The following WWOX variants were observed in gnomAD, a reference collection of about 807,000 sequenced individuals.
WWOX encodes WW domain containing oxidoreductase.
In WWOX, 69 loss-of-function variants were observed where a neutral mutation model predicts 46.2. That is an observed-to-expected ratio of 1.49 (90% CI 1.23 to 1.82). WWOX has a LOEUF of 1.82. Ranked by LOEUF, WWOX falls within the 40% of genes most tolerant of loss-of-function variation. The pLI is 0.00. For synonymous variants in WWOX, 359 were observed against 202.6 expected (o/e 1.77, Z -6.56); for missense variants, 919 against 542.6 (o/e 1.69, Z -6.89).
In WWOX at chr16:78,964,929, G is replaced by C. The variant is rs1489411212; in HGVS notation, c.1057-246679G>C. Among the ~76,000 whole-genome samples the C allele has an allele frequency of 2.6e-5, 4 of 152,230 alleles. No homozygotes were observed. The East Asian group carries it at 7.7e-4, about 29-fold the overall frequency. ...AGGGTGGAAGCCCCAAGCCTTGGCAGCCTCCATGTGGTGTTGAGTGTGTGG... is the reference window on the plus strand; with the variant it reads ...AGGGTGGAAGCCCCAAGCCTTGGCACCCTCCATGTGGTGTTGAGTGTGTGG... On this transcript the variant is annotated intron_variant, in intron 8 of 8. Coordinates refer to ENST00000566780, the MANE Select transcript of WWOX (RefSeq NM_016373.4).
chr16:78,101,339 T>C (rs1313760946), intron 1 of WWOX, among the ~76,000 whole-genome samples: 1 of 134,434 alleles, frequency 7.4e-6, no homozygotes, highest in Non-Finnish European at 1.6e-5. Context: ...GAGCTACCGC[T>C]CCCGGCCTTT....
At chr16:78,840,712 A>G (rs2052117109) in intron 8 of WWOX, among the ~76,000 whole-genome samples, 2 of 151,222 alleles carry the variant, frequency 1.3e-5, no homozygotes, top group Admixed American at 6.6e-5. Context: ...TCCTTTTCTT[A>G]TTTAATTTTT....
At chr16:79,186,871 T>C (rs1456865444) in intron 8 of WWOX, among the ~76,000 whole-genome samples, 3 of 152,154 alleles carry the variant, frequency 2.0e-5, no homozygotes, top group Admixed American at 6.6e-5. Flanking sequence ...CAGCCAGTTT[T>C]TCAACATATT....
intron 8 of WWOX, among the ~76,000 whole-genome samples, chr16:78,763,224 T>C (rs1161289275): frequency 1.3e-5 from 2 of 152,274 alleles, no homozygotes; most frequent in Admixed American, 1.3e-4. Context: ...TACAAAGCGA[T>C]ACTTTTCCTT....
At chr16:78,714,003 G>A (rs747237393) in intron 8 of WWOX, among the ~76,000 whole-genome samples, 2 of 152,046 alleles carry the variant, frequency 1.3e-5, no homozygotes, top group Admixed American at 6.6e-5. Flanking sequence ...TTCTCTTTCC[G>A]TGACACTGCA....
chr16:78,611,317 C>G (rs557165705), intron 8 of WWOX, among the ~76,000 whole-genome samples: 3 of 152,116 alleles, frequency 2.0e-5, no homozygotes, highest in African/African-American at 4.8e-5. Context: ...CCCCTGTCAA[C>G]GCAATTAGAT....
intron 5 of WWOX, among the ~76,000 whole-genome samples, chr16:78,275,853 A>T (rs1451451126): frequency 1.3e-5 from 2 of 152,170 alleles, no homozygotes; most frequent in Non-Finnish European, 2.9e-5. Flanking sequence ...TCTGGTCCCA[A>T]AGTGGGACCT....
At chr16:78,609,337 C>G (rs2045842277) in intron 8 of WWOX, among the ~76,000 whole-genome samples, 2 of 152,016 alleles carry the variant, frequency 1.3e-5, no homozygotes, top group African/African-American at 2.4e-5. Flanking sequence ...AGGCTTAGCA[C>G]TGATGTATTT....
At chr16:78,896,551 C>T (rs888885696) in intron 8 of WWOX, 15 of 152,224 alleles carry the variant, frequency 9.9e-5, no homozygotes, top group East Asian at 3.9e-4. Flanking sequence ...GAGAAGCAAA[C>T]GCATCATAAT....
At chr16:78,410,062 G>T (rs190724929) in intron 6 of WWOX, among the ~76,000 whole-genome samples, 12 of 152,228 alleles carry the variant, frequency 7.9e-5, no homozygotes, top group East Asian at 1.9e-4. Context: ...CATGACTTAC[G>T]GCCATCCCTT....
intron 8 of WWOX, among the ~76,000 whole-genome samples, chr16:78,609,077 A>G (rs932931909): frequency 1.3e-5 from 2 of 152,306 alleles, no homozygotes; most frequent in East Asian, 1.9e-4. Flanking sequence ...ACAGTATGTC[A>G]AATACCTTTC....
chr16:78,334,614 T>C (rs986585697), intron 5 of WWOX, among the ~76,000 whole-genome samples: 1 of 152,154 alleles, frequency 6.6e-6, no homozygotes, highest in African/African-American at 2.4e-5. Flanking sequence ...TAGAGTTGTG[T>C]ATTGTTGGGA....
chr16:78,518,468 G>T (rs913106881), intron 8 of WWOX, among the ~76,000 whole-genome samples: 1 of 152,048 alleles, frequency 6.6e-6, no homozygotes, highest in South Asian at 2.1e-4. Flanking sequence ...TGATCTGTCC[G>T]CCTCGGCCTC....
intron 8 of WWOX, among the ~76,000 whole-genome samples, chr16:78,772,290 G>C (rs1187063828): frequency 4.6e-5 from 7 of 152,182 alleles, no homozygotes; most frequent in South Asian, 2.1e-4. Context: ...AGGCCATGCA[G>C]TATTTGATTT....
intron 8 of WWOX, among the ~76,000 whole-genome samples, chr16:78,554,738 G>T (rs2044248820): frequency 6.6e-6 from 1 of 152,090 alleles, no homozygotes; most frequent in African/African-American, 2.4e-5. Flanking sequence ...ACGCAGATTT[G>T]GTTCCTCAGC....
chr16:78,489,370 G>A (rs1386522996), intron 8 of WWOX, among the ~76,000 whole-genome samples: 1 of 152,002 alleles, frequency 6.6e-6, no homozygotes, highest in Non-Finnish European at 1.5e-5. Context: ...CTCTTTACTT[G>A]GCCAAATATC....
chr16:78,226,188 G>A (rs569892280), intron 5 of WWOX, among the ~76,000 whole-genome samples: 1 of 152,210 alleles, frequency 6.6e-6, no homozygotes, highest in South Asian at 2.1e-4. Flanking sequence ...AGCCCTTTGG[G>A]GTAACTTGCT....
chr16:78,371,984 T>A (rs935589615), intron 5 of WWOX, among the ~76,000 whole-genome samples: 5 of 152,144 alleles, frequency 3.3e-5, no homozygotes, highest in Non-Finnish European at 5.9e-5. Context: ...AATAGACATG[T>A]GAGTGTTTTA....
At chr16:79,058,394 T>C (rs918008141) in intron 8 of WWOX, among the ~76,000 whole-genome samples, 1 of 152,188 alleles carries the variant, frequency 6.6e-6, no homozygotes. Flanking sequence ...AATATACTTT[T>C]GAATTGTGTG....
Sources: gnomAD v4.1 joint callset for allele counts (sites outside exome capture counted in the v4.1 genomes callset) on GRCh38, gnomAD v4.1.1 for gene constraint, MANE v1.5 for transcripts, NCBI Gene and HGNC (gene_info 2026-07-23, HGNC 2026-07-21) for gene names.